TPD52: variants seen among roughly 807,000 people sequenced by gnomAD.
TPD52 encodes prostate and colon associated protein.
A neutral mutation model predicts 31.3 loss-of-function variants in TPD52; 17 were observed. The observed-to-expected ratio is 0.54, with a 90% CI of 0.37 to 0.82. The LOEUF is 0.82. Among genes scored for constraint, TPD52 ranks in the 40% least tolerant of loss-of-function variants. The pLI, the probability that TPD52 is intolerant of heterozygous loss-of-function variation, is 0.00. For synonymous variants in TPD52, 83 were observed against 89.6 expected (o/e 0.93, Z 0.42); for missense variants, 212 against 240.1 (o/e 0.88, Z 0.77).
rs576143100 is a variant in TPD52 at position 80,056,373 on chromosome 8, G to A, written c.136-2943C>T. On this transcript the variant is annotated intron_variant, in intron 2 of 7. Transcript: ENST00000518937. ...TGTGGGTGTTAGAGGTTGGGAAAGG[G>A]AGGATGCCTACAGGTTGTGCTTCAA... is the stretch of plus-strand genomic sequence containing the variant. Among the ~76,000 whole-genome samples the A allele has an allele frequency of 2.0e-5, 3 of 152,328 alleles. No individual in the cohort carries two copies. In the East Asian group the frequency reaches 5.8e-4, roughly 29 times the overall value.
rs563385647 is a variant in TPD52, at chr8:80,165,101, T to C, written c.19+6324A>G. ...TATTTCACAGAAAATGCCATGTAGA[T>C]TGTAAACATATCAAAAGAAGTAAAC... On this transcript the variant is annotated intron_variant, in intron 1 of 7. Transcript: ENST00000518937. 8.5e-5 allele frequency among the ~76,000 whole-genome samples: 13 copies of C among 152,134 alleles called. No homozygotes were observed. In the South Asian group the frequency reaches 2.5e-3, roughly 29 times the overall value.
chr8:80,037,975 C>G lies in TPD52; in HGVS notation c.*141G>C. The G allele has an allele frequency of 8.3e-7, 1 of 1,202,180 alleles. No individual in the cohort carries two copies. The highest frequency in any genetic ancestry group is 1.5e-5 in the African/African-American group (1 of 65,780). 74.5% of individuals were successfully genotyped at this position (1,202,180 alleles called of 1,614,324 possible). A position where few individuals can be genotyped will look rare whatever the true frequency, so the allele number is the denominator to read the frequency against. On this transcript the variant is annotated 3_prime_UTR_variant, in exon 8 of 8. Transcript: ENST00000518937. The stretch of plus-strand genomic sequence containing the variant: ...GAAGATATTTTCATTTTGTTTAACC[C>G]ACAAACTATTTGGTCAAAGGAATAT...
chr8:80,050,630 C>T (rs1424228951), intron 4 of TPD52, among the ~76,000 whole-genome samples, 159 bp from the exon 5 acceptor site: 1 of 152,124 alleles, frequency 6.6e-6, no homozygotes, highest in East Asian at 1.9e-4. Flanking sequence ...TAGATACATA[C>T]ATAATTGTCA....
At chr8:80,079,158 G>C (rs577936302) in intron 1 of TPD52, among the ~76,000 whole-genome samples, 1 of 152,232 alleles carries the variant, frequency 6.6e-6, no homozygotes, top group African/African-American at 2.4e-5. Context: ...AAGTTAGAAG[G>C]GGGCTGGGCA....
intron 3 of TPD52, chr8:80,052,732 CA>C: frequency 8.3e-7 from 1 of 1,205,018 alleles, no homozygotes; most frequent in Non-Finnish European, 1.1e-6. Flanking sequence ...CATGTGTGGT[CA>C]AAAAGACAAA....
chr8:80,171,314 C>A (rs758451961), intron 1 of TPD52, 111 bp downstream of exon 1: 4 of 1,408,894 alleles, frequency 2.8e-6, no homozygotes, highest in Non-Finnish European at 3.9e-6. Context: ...GCCCAGGAGG[C>A]TCGGCACCTG....
intron 1 of TPD52, among the ~76,000 whole-genome samples, chr8:80,155,340 G>A (rs761855647): frequency 1.3e-5 from 2 of 152,224 alleles, no homozygotes; most frequent in Admixed American, 6.5e-5. Context: ...AGAATAAAGA[G>A]AACAGCAAGG....
chr8:80,164,713 A>C (rs1811593718), intron 1 of TPD52, among the ~76,000 whole-genome samples: 1 of 151,936 alleles, frequency 6.6e-6, no homozygotes, highest in Non-Finnish European at 1.5e-5. Flanking sequence ...GCAAAACCCC[A>C]TCTCTACTAA....
At chr8:80,154,714 C>T (rs1369068705) in intron 1 of TPD52, among the ~76,000 whole-genome samples, 2 of 60,778 alleles carry the variant, frequency 3.3e-5, no homozygotes, top group Non-Finnish European at 8.2e-5. Context: ...CATACACACA[C>T]ACACACACAC....
intron 1 of TPD52, among the ~76,000 whole-genome samples, chr8:80,170,270 C>A (rs1035503583): frequency 2.6e-5 from 4 of 151,830 alleles, no homozygotes; most frequent in Non-Finnish European, 5.9e-5. Context: ...ACAAAATTAG[C>A]CGGGCTGTGG....
intron 6 of TPD52, 116 bp from the exon 7 acceptor site, chr8:80,042,784 TA>T: frequency 3.1e-5 from 28 of 903,654 alleles, no homozygotes; most frequent in Non-Finnish European, 4.6e-5. Context: ...AAAGAACAGA[TA>T]TAATCTGTAC....
At position 80,053,395 on chromosome 8, in the gene TPD52, T is replaced by C. The variant is rs771584317; in HGVS notation, c.171A>G (p.Leu57=). The C allele has an allele frequency of 1.4e-5, 23 of 1,613,568 alleles. No individual in the cohort carries two copies. Among genetic ancestry groups the C allele is most frequent in the Non-Finnish European group, 1.9e-5 (22 of 1,179,720 alleles). ...EEEIQTLSQV[L]AAKEKHLAEI... ...CTGCTAGATGCTTCTCTTTTGCTGC[T>C]AACACTTGAGACAGAGTCTGGATTT... Residue 57 remains leucine, a synonymous_variant, in exon 3 of 8, where the codon TTA becomes TTG. Coordinates refer to ENST00000518937, the MANE Select transcript of TPD52 (RefSeq NM_001025253.3).
chr8:80,117,947 T>C (rs998755348), intron 1 of TPD52, among the ~76,000 whole-genome samples: 2 of 152,058 alleles, frequency 1.3e-5, no homozygotes, highest in Admixed American at 1.3e-4. Flanking sequence ...TTAGCCAGGA[T>C]GGTCTCGATC....
At chr8:80,129,306 A>G (rs1454539346) in intron 1 of TPD52, among the ~76,000 whole-genome samples, 1 of 152,218 alleles carries the variant, frequency 6.6e-6, no homozygotes, top group Non-Finnish European at 1.5e-5. Context: ...ATAAAATAGT[A>G]TATTTACACA....
At chr8:80,125,221 A>G (rs938878351) in intron 1 of TPD52, among the ~76,000 whole-genome samples, 1 of 152,242 alleles carries the variant, frequency 6.6e-6, no homozygotes. Context: ...CCATAATCCC[A>G]GCACTTTGGG....
Position 80,112,732 on chromosome 8 carries a change from G to C in TPD52, c.20-48139C>G, listed in dbSNP as rs893157717. Among the ~76,000 whole-genome samples, 9 of 152,188 alleles carry C rather than the reference G, an allele frequency of 5.9e-5. No homozygotes were observed. In the South Asian group the frequency reaches 6.2e-4, roughly 11 times the overall value. Reference sequence around the variant, plus strand: ...ATCTTCAGTGGTTTTCTTGCCTCCAGACTCTTCATCAGCAACCCCCCAACC... The same window carrying C: ...ATCTTCAGTGGTTTTCTTGCCTCCACACTCTTCATCAGCAACCCCCCAACC... On this transcript the variant is annotated intron_variant, in intron 1 of 7. Transcript: ENST00000518937.
chr8:80,153,038 TA>T (rs1810692841), intron 1 of TPD52, among the ~76,000 whole-genome samples: 1 of 152,186 alleles, frequency 6.6e-6, no homozygotes. Flanking sequence ...ATATGTATAT[TA>T]AATAAAAGAA....
At chr8:80,113,516 A>G (rs965471852) in intron 1 of TPD52, among the ~76,000 whole-genome samples, 10 of 152,240 alleles carry the variant, frequency 6.6e-5, no homozygotes, top group African/African-American at 2.2e-4. Context: ...TAACTAAGAT[A>G]TGAAATAAAC....
intron 1 of TPD52, among the ~76,000 whole-genome samples, chr8:80,139,519 A>G (rs1020170188): frequency 1.3e-5 from 2 of 152,140 alleles, no homozygotes; most frequent in African/African-American, 4.8e-5. Context: ...GTCCAGATTA[A>G]TACAGTTAAT....
Sources: allele counts gnomAD v4.1 joint callset (sites outside exome capture counted in the v4.1 genomes callset), GRCh38; gene constraint gnomAD v4.1.1; transcripts MANE v1.5; gene names NCBI Gene and HGNC (gene_info 2026-07-23, HGNC 2026-07-21).